Variants in PLCB1 observed in about 807,000 individuals in gnomAD.
The protein encoded by PLCB1 is 1-phosphatidylinositol 4,5-bisphosphate phosphodiesterase beta-1.
Under a neutral mutation model 161.8 loss-of-function variants are expected in PLCB1, and 46 were observed. The ratio of observed to expected loss-of-function variants is 0.28; its 90% confidence interval spans 0.22 to 0.36. PLCB1 has a LOEUF of 0.36. Among genes scored for constraint, PLCB1 ranks in the 10% least tolerant of loss-of-function variants. The pLI, the probability that PLCB1 is intolerant of heterozygous loss-of-function variation, is 1.00. For missense variants in PLCB1, 1,016 were observed against 1,472.5 expected, an observed-to-expected ratio of 0.69 and a Z score of 5.07; for synonymous variants, 517 against 503.7, an observed-to-expected ratio of 1.03 and a Z score of -0.35.
chr20:8,329,216 T>C (rs1270716046), intron 2 of PLCB1, among the ~76,000 whole-genome samples: 1 of 152,262 alleles, frequency 6.6e-6, no homozygotes, highest in Non-Finnish European at 1.5e-5. Flanking sequence ...TAAAGTCTTA[T>C]TTGCTTTTCT....
chr20:8,256,462 C>T (rs1267127462), intron 2 of PLCB1, among the ~76,000 whole-genome samples: 1 of 152,080 alleles, frequency 6.6e-6, no homozygotes, highest in Non-Finnish European at 1.5e-5. Flanking sequence ...AGGGCAAAGA[C>T]AGGGCTCCAA....
chr20:8,556,138 TC>T (rs1346329800), intron 3 of PLCB1, among the ~76,000 whole-genome samples: 2 of 152,042 alleles, frequency 1.3e-5, no homozygotes, highest in African/African-American at 4.8e-5. Flanking sequence ...GCTAACACCC[TC>T]CTCAGCATGG....
At chr20:8,765,592 C>T (rs538268467) in intron 26 of PLCB1, among the ~76,000 whole-genome samples, 15 of 152,222 alleles carry the variant, frequency 9.9e-5, no homozygotes, top group African/African-American at 3.1e-4. Flanking sequence ...GTCTAGCCTG[C>T]GATCCCAATT....
intron 23 of PLCB1, among the ~76,000 whole-genome samples, chr20:8,744,710 G>A (rs1045417729): frequency 9.9e-5 from 15 of 150,762 alleles, no homozygotes; most frequent in Non-Finnish European, 1.5e-4. Context: ...GCCCCGATTC[G>A]ATATAGCAAT....
At chr20:8,860,848 A>G (rs1289847280) in intron 31 of PLCB1, among the ~76,000 whole-genome samples, 1 of 152,220 alleles carries the variant, frequency 6.6e-6, no homozygotes, top group Non-Finnish European at 1.5e-5. Flanking sequence ...TTTGAAACTA[A>G]GTAATTTCAA....
intron 3 of PLCB1, among the ~76,000 whole-genome samples, chr20:8,453,040 G>A (rs909169337): frequency 3.9e-5 from 6 of 152,204 alleles, no homozygotes; most frequent in Non-Finnish European, 8.8e-5. Context: ...AACCCTGCCT[G>A]ACTTTGCATC....
intron 31 of PLCB1, among the ~76,000 whole-genome samples, chr20:8,812,919 C>T (rs975662748): frequency 6.6e-6 from 1 of 152,196 alleles, no homozygotes; most frequent in Non-Finnish European, 1.5e-5. Context: ...CTCCTACGCC[C>T]TCTGGGAGAG....
chr20:8,761,938 G>A (rs1392528139), intron 25 of PLCB1, among the ~76,000 whole-genome samples: 1 of 150,640 alleles, frequency 6.6e-6, no homozygotes, highest in African/African-American at 2.4e-5. Flanking sequence ...GCTGGGTGTG[G>A]TGGCTCACGC....
intron 3 of PLCB1, among the ~76,000 whole-genome samples, chr20:8,475,010 G>GAC (rs11468682): frequency 0.11 from 16,356 of 147,600 alleles, 880 homozygotes; most frequent in Middle Eastern, 0.14. Flanking sequence ...CACACACACA[G>GAC]ACACACACAC....
intron 17 of PLCB1, 47 bp downstream of exon 17, chr20:8,727,440 C>A (rs1192663349): frequency 3.0e-6 from 3 of 1,012,602 alleles, no homozygotes; most frequent in South Asian, 2.7e-5. Context: ...CAGCTGAAGT[C>A]TTGTGCTATT....
intron 3 of PLCB1, among the ~76,000 whole-genome samples, chr20:8,446,143 G>A (rs1469075370): frequency 3.9e-5 from 6 of 152,062 alleles, no homozygotes; most frequent in South Asian, 2.1e-4. Context: ...GATGAACATC[G>A]ATGCAAAAAT....
intron 4 of PLCB1, 55 bp downstream of exon 4, chr20:8,628,486 A>C: frequency 6.3e-7 from 1 of 1,576,020 alleles, no homozygotes; most frequent in Non-Finnish European, 8.7e-7. Context: ...TCCTTGAGCT[A>C]TCATACTAAT....
At chr20:8,487,689 C>T (rs1226265683) in intron 3 of PLCB1, among the ~76,000 whole-genome samples, 1 of 152,150 alleles carries the variant, frequency 6.6e-6, no homozygotes, top group Non-Finnish European at 1.5e-5. Flanking sequence ...TCTTCAGCTC[C>T]TCAGAAAAGT....
intron 2 of PLCB1, among the ~76,000 whole-genome samples, chr20:8,261,300 C>T (rs965217201): frequency 4.6e-5 from 7 of 151,980 alleles, no homozygotes; most frequent in East Asian, 1.9e-4. Flanking sequence ...ATACACTTGC[C>T]GCGCTTAGAG....
In PLCB1 at chr20:8,453,458, C is replaced by T. The variant is rs1981163726; in HGVS notation, c.246+82008C>T. ...TTTCCTATGATGGGGCTAATAGTAC[C>T]TACTTGGTAGAATTATTGTGAGAAT... On this transcript the variant is annotated intron_variant, in intron 3 of 31. Coordinates refer to ENST00000338037, the MANE Select transcript of PLCB1 (RefSeq NM_015192.4). Among the ~76,000 whole-genome samples the T allele has an allele frequency of 3.3e-5, 5 of 152,308 alleles. No individual in the cohort carries two copies. The South Asian group carries it at 1.0e-3, about 32-fold the overall frequency.
At chr20:8,750,519 C>A (rs1390721202) in intron 23 of PLCB1, among the ~76,000 whole-genome samples, 1 of 152,036 alleles carries the variant, frequency 6.6e-6, no homozygotes, top group African/African-American at 2.4e-5. Flanking sequence ...CATATAAATC[C>A]CTCTATCCAT....
At chr20:8,845,595 T>G (rs1043565380) in intron 31 of PLCB1, among the ~76,000 whole-genome samples, 10 of 152,200 alleles carry the variant, frequency 6.6e-5, no homozygotes, top group African/African-American at 2.4e-4. Context: ...AAAGTTCTAT[T>G]GGGTCGGGCT....
chr20:8,444,123 T>C (rs951901791), intron 3 of PLCB1, among the ~76,000 whole-genome samples: 1 of 152,124 alleles, frequency 6.6e-6, no homozygotes, highest in African/African-American at 2.4e-5. Flanking sequence ...ATGTGCCATG[T>C]TGGTGTGCTG....
intron 3 of PLCB1, among the ~76,000 whole-genome samples, chr20:8,399,224 T>C (rs1461455118): frequency 3.9e-5 from 6 of 152,078 alleles, no homozygotes; most frequent in Non-Finnish European, 1.5e-5. Flanking sequence ...ACACTATTTT[T>C]TTCAGACCAT....
Sources: gnomAD v4.1 joint callset for allele counts (sites outside exome capture counted in the v4.1 genomes callset) on GRCh38, gnomAD v4.1.1 for gene constraint, MANE v1.5 for transcripts, NCBI Gene and HGNC (gene_info 2026-07-23, HGNC 2026-07-21) for gene names.